The following MACROD2 variants were observed in gnomAD, a reference collection of about 807,000 sequenced individuals.
The protein encoded by MACROD2 is ADP-ribose glycohydrolase MACROD2.
Under a neutral mutation model 70.4 loss-of-function variants are expected in MACROD2, and 36 were observed. The ratio of observed to expected loss-of-function variants is 0.51; its 90% CI spans 0.39 to 0.68. The LOEUF (loss-of-function observed/expected upper bound fraction) is 0.68. Ranked by LOEUF, MACROD2 falls within the 30% of genes least tolerant of loss-of-function variation. The pLI is 0.00. For synonymous variants in MACROD2, 172 were observed against 178.8 expected (o/e 0.96, Z 0.30); for missense variants, 496 against 538.4 (o/e 0.92, Z 0.78).
intron 5 of MACROD2, among the ~76,000 whole-genome samples, chr20:14,976,170 C>T (rs2074737790): frequency 6.6e-6 from 1 of 152,108 alleles, no homozygotes; most frequent in African/African-American, 2.4e-5. Flanking sequence ...TTTTCTCTTA[C>T]TCTTGTAACA....
At chr20:14,772,055 T>C (rs976580140) in intron 5 of MACROD2, among the ~76,000 whole-genome samples, 1 of 152,052 alleles carries the variant, frequency 6.6e-6, no homozygotes, top group Non-Finnish European at 1.5e-5. Flanking sequence ...GTGCATGACA[T>C]TTTAAAAAGC....
chr20:14,909,700 C>T (rs1173865220), intron 5 of MACROD2, among the ~76,000 whole-genome samples: 1 of 151,848 alleles, frequency 6.6e-6, no homozygotes, highest in Non-Finnish European at 1.5e-5. Flanking sequence ...AATGAATGAC[C>T]CATTTTGATT....
intron 5 of MACROD2, among the ~76,000 whole-genome samples, chr20:15,009,402 C>T (rs2075064323): frequency 6.6e-6 from 1 of 152,150 alleles, no homozygotes; most frequent in Admixed American, 6.6e-5. Flanking sequence ...TCTTGGGTGC[C>T]TTCTGGCCCC....
At chr20:15,690,182 A>G (rs563534929) in intron 8 of MACROD2, among the ~76,000 whole-genome samples, 1 of 152,370 alleles carries the variant, frequency 6.6e-6, no homozygotes, top group East Asian at 1.9e-4. Context: ...AGACAATTGC[A>G]GCAACACCAC....
At chr20:14,269,340 C>G (rs2082170907) in intron 3 of MACROD2, among the ~76,000 whole-genome samples, 1 of 152,058 alleles carries the variant, frequency 6.6e-6, no homozygotes, top group African/African-American at 2.4e-5. Flanking sequence ...CTGAAAAATG[C>G]GTTGATATCT....
chr20:15,718,544 A>C (rs2050739084), intron 8 of MACROD2, among the ~76,000 whole-genome samples: 1 of 152,194 alleles, frequency 6.6e-6, no homozygotes, highest in Non-Finnish European at 1.5e-5. Flanking sequence ...GTCCTCACCA[A>C]GGCAATGTAG....
chr20:14,819,013 C>T lies in MACROD2; in HGVS notation c.418+134054C>T, dbSNP rs568452269. 6.6e-5 allele frequency among the ~76,000 whole-genome samples: 10 copies of T among 151,528 alleles called. No homozygotes were observed. In the South Asian group the frequency reaches 8.3e-4, roughly 13 times the overall value. On this transcript the variant is annotated intron_variant, in intron 5 of 17. Transcript: ENST00000684519. ...GGCATGGTGGCTCATGCCTGCAATC[C>T]CAGCACTTTGGGAGGCCGAGGTGGG...
chr20:14,746,118 C>T (rs1291988495), intron 5 of MACROD2, among the ~76,000 whole-genome samples: 2 of 152,094 alleles, frequency 1.3e-5, no homozygotes, highest in African/African-American at 4.8e-5. Flanking sequence ...TTAACTGACT[C>T]CTTTGGGAAT....
intron 5 of MACROD2, among the ~76,000 whole-genome samples, chr20:14,973,857 A>G (rs1457848565): frequency 6.6e-6 from 1 of 152,192 alleles, no homozygotes; most frequent in Non-Finnish European, 1.5e-5. Flanking sequence ...TTTTACTATT[A>G]AAATAGAATA....
At chr20:15,902,712 C>T (rs1050886772) in intron 10 of MACROD2, among the ~76,000 whole-genome samples, 7 of 152,196 alleles carry the variant, frequency 4.6e-5, no homozygotes, top group Admixed American at 4.6e-4. Context: ...GGAGCTGAGG[C>T]CCCCTGCTGG....
intron 5 of MACROD2, among the ~76,000 whole-genome samples, chr20:15,093,872 A>C (rs2123171856): frequency 6.6e-6 from 1 of 152,290 alleles, no homozygotes; most frequent in Non-Finnish European, 1.5e-5. Flanking sequence ...TATGAGGAGA[A>C]AAGGAAAAAA....
intron 5 of MACROD2, among the ~76,000 whole-genome samples, chr20:15,012,400 C>G (rs2075089574): frequency 6.6e-6 from 1 of 152,094 alleles, no homozygotes; most frequent in African/African-American, 2.4e-5. Flanking sequence ...CTACAGTAAA[C>G]AGCTCGTTCA....
rs1776295305 is a variant in MACROD2, at chr20:14,476,365, T to A, written c.272-17114T>A. Among the ~76,000 whole-genome samples, 3 of 152,192 alleles carry A rather than the reference T, an allele frequency of 2.0e-5. No individual in the cohort carries two copies. The South Asian group carries it at 6.2e-4, about 31-fold the overall frequency. On this transcript the variant is annotated intron_variant, in intron 3 of 17. Coordinates refer to ENST00000684519, the MANE Select transcript of MACROD2 (RefSeq NM_001351661.2). Reference sequence around the variant, plus strand: ...GAGTAAACCTTCATTTATTACCTTTTGTTTTCTTGAGACAAAGTCTCCCTC... The same window carrying A: ...GAGTAAACCTTCATTTATTACCTTTAGTTTTCTTGAGACAAAGTCTCCCTC...
chr20:15,750,624 A>G (rs2051254942), intron 8 of MACROD2, among the ~76,000 whole-genome samples: 1 of 152,010 alleles, frequency 6.6e-6, no homozygotes, highest in Non-Finnish European at 1.5e-5. Flanking sequence ...CTGTATATTC[A>G]AAGGAAATGA....
intron 2 of MACROD2, among the ~76,000 whole-genome samples, chr20:14,024,741 A>G (rs1325686012): frequency 6.6e-6 from 1 of 152,192 alleles, no homozygotes; most frequent in Non-Finnish European, 1.5e-5. Context: ...CGTGGTGGAT[A>G]AGCTTTTTGA....
intron 5 of MACROD2, among the ~76,000 whole-genome samples, chr20:15,067,109 G>A (rs1480121690): frequency 1.3e-5 from 2 of 151,968 alleles, no homozygotes; most frequent in African/African-American, 2.4e-5. Context: ...AACAAATTCC[G>A]ATAATGTAGA....
In MACROD2 at chr20:14,091,994, A is replaced by T. The variant is rs542962366; in HGVS notation, c.271+6266A>T. 7.6e-4 allele frequency among the ~76,000 whole-genome samples: 115 copies of T among 152,154 alleles called. 4 individuals are homozygous for T. The highest frequency in any genetic ancestry group is 7.2e-4 in the Non-Finnish European group (49 of 68,000). ...CTAGGTTACATGTAAGTGCATGTTT[A>T]GTTTTGTAAGAAACTGCTAAACTGT... On this transcript the variant is annotated intron_variant, in intron 3 of 17. Transcript: ENST00000684519.
intron 10 of MACROD2, among the ~76,000 whole-genome samples, chr20:15,908,275 T>C (rs1430481183): frequency 6.6e-6 from 1 of 152,206 alleles, no homozygotes; most frequent in Non-Finnish European, 1.5e-5. Context: ...TCTTTGACCC[T>C]TGCTGCCAGA....
intron 6 of MACROD2, among the ~76,000 whole-genome samples, chr20:15,292,541 G>C (rs1429587761): frequency 1.3e-5 from 2 of 152,144 alleles, no homozygotes; most frequent in East Asian, 1.9e-4. Context: ...CTATAACAAA[G>C]TACACTCCTG....
Sources: gnomAD v4.1 joint callset for allele counts (sites outside exome capture counted in the v4.1 genomes callset) on GRCh38, gnomAD v4.1.1 for gene constraint, MANE v1.5 for transcripts, NCBI Gene and HGNC (gene_info 2026-07-23, HGNC 2026-07-21) for gene names.